Variants in RBPJ observed in about 807,000 individuals in gnomAD.
RBPJ encodes the protein recombination signal binding protein for immunoglobulin kappa J region, also known as recombining binding protein suppressor of hairless.
A neutral mutation model predicts 67.8 loss-of-function variants in RBPJ; 9 were observed. The observed-to-expected ratio is 0.13, with a 90% CI of 0.08 to 0.23. The LOEUF (loss-of-function observed/expected upper bound fraction) is 0.23, where lower values mean the gene tolerates loss of function less well. Among genes scored for constraint, RBPJ ranks in the 10% least tolerant of loss-of-function variants. The pLI, the probability that RBPJ is intolerant of heterozygous loss-of-function variation, is 1.00. For missense variants in RBPJ, 305 were observed against 595.6 expected (o/e 0.51, Z 5.08); for synonymous variants, 198 against 203.3 (o/e 0.97, Z 0.22).
At chr4:26,166,225 A>G (rs1368068277) in intron 1 of RBPJ, among the ~76,000 whole-genome samples, 3 of 141,146 alleles carry the variant, frequency 2.1e-5, no homozygotes, top group Non-Finnish European at 3.1e-5. Context: ...TCCTTTGGGT[A>G]TATACCCAGT....
chr4:26,152,258 C>T, the RBPJ span, among the ~76,000 whole-genome samples: 1 of 152,210 alleles, frequency 6.6e-6, no homozygotes, highest in Non-Finnish European at 1.5e-5. Context: ...AGAGTTGACA[C>T]ATGTCTTCCA....
In RBPJ at chr4:26,223,014, G is replaced by A. The variant is rs558579389; in HGVS notation, c.-167+59400G>A. 3.3e-5 allele frequency among the ~76,000 whole-genome samples: 5 copies of A among 152,056 alleles called. No individual in the cohort carries two copies. In the East Asian group the frequency reaches 9.7e-4, roughly 29 times the overall value. On this transcript the variant is annotated intron_variant, in intron 1 of 4. Transcript: ENST00000512351. Reference sequence around the variant, plus strand: ...ACTAAAAATACAAAAAATTAGCTGGGTGTGGTGGTGTGCACCTGTAATCCC... The same window carrying A: ...ACTAAAAATACAAAAAATTAGCTGGATGTGGTGGTGTGCACCTGTAATCCC...
At chr4:26,417,249 A>G (rs1270032870) in intron 4 of RBPJ, among the ~76,000 whole-genome samples, 1 of 152,168 alleles carries the variant, frequency 6.6e-6, no homozygotes, top group East Asian at 1.9e-4. Flanking sequence ...GCTTCCAGTA[A>G]TTTTAAATGA....
At chr4:26,315,196 ATG>A (rs1722573322), upstream of RBPJ, among the ~76,000 whole-genome samples, 4 of 127,518 alleles carry the variant, frequency 3.1e-5, no homozygotes, top group African/African-American at 8.8e-5. Flanking sequence ...ATATATATGT[ATG>A]TATATACTGG....
intron 1 of RBPJ, among the ~76,000 whole-genome samples, chr4:26,163,996 G>T (rs1208434043): frequency 1.3e-5 from 2 of 152,176 alleles, no homozygotes; most frequent in Non-Finnish European, 2.9e-5. Flanking sequence ...GAAACAAAAA[G>T]AATTTTCTAG....
At chr4:26,136,052 G>A in the RBPJ span, among the ~76,000 whole-genome samples, 1 of 152,186 alleles carries the variant, frequency 6.6e-6, no homozygotes, top group African/African-American at 2.4e-5. Flanking sequence ...CAGCAGACAA[G>A]AGAGCTTATG....
chr4:26,296,794 C>T (rs77673941), intron 1 of RBPJ, among the ~76,000 whole-genome samples: 7,322 of 152,198 alleles, frequency 0.048, 604 homozygotes, highest in African/African-American at 0.17. Context: ...TAATAAGCAA[C>T]ATCCATTTAA....
intron 1 of RBPJ, among the ~76,000 whole-genome samples, chr4:26,187,470 AAGT>A (rs1717314214): frequency 5.5e-5 from 2 of 36,524 alleles, no homozygotes; most frequent in Non-Finnish European, 1.1e-4. Context: ...CATCTTCTCG[AAGT>A]AAGTATCACA....
intron 2 of RBPJ, among the ~76,000 whole-genome samples, chr4:26,398,068 TATTGTG>T (rs1732332199): frequency 8.6e-6 from 1 of 116,282 alleles, no homozygotes; most frequent in Non-Finnish European, 2.0e-5. Context: ...TCACGAGTGA[TATTGTG>T]TGTGTGTGTG....
At chr4:26,293,978 G>A (rs372039750) in intron 1 of RBPJ, among the ~76,000 whole-genome samples, 16 of 152,262 alleles carry the variant, frequency 1.1e-4, no homozygotes, top group African/African-American at 3.4e-4. Context: ...AGCTGGTCTC[G>A]AGCTCCTGAC....
At chr4:26,221,926 G>A (rs917624131) in intron 1 of RBPJ, among the ~76,000 whole-genome samples, 3 of 152,196 alleles carry the variant, frequency 2.0e-5, no homozygotes, top group African/African-American at 7.2e-5. Flanking sequence ...TCAATCCAGA[G>A]ACTGGCAGGG....
the RBPJ span, among the ~76,000 whole-genome samples, chr4:26,138,714 T>C: frequency 6.6e-6 from 1 of 152,202 alleles, no homozygotes; most frequent in African/African-American, 2.4e-5. Flanking sequence ...CATGAACCAC[T>C]TCATAGACAC....
the RBPJ span, among the ~76,000 whole-genome samples, chr4:26,114,475 G>GTATATATATATATATATATATA: frequency 3.4e-5 from 3 of 89,158 alleles, no homozygotes; most frequent in Non-Finnish European, 7.0e-5. Flanking sequence ...AAAAAAGAAT[G>GTATATATATATATATATATATA]TACATATATA....
intron 2 of RBPJ, among the ~76,000 whole-genome samples, chr4:26,388,705 AGAG>A (rs1731177886): frequency 1.3e-5 from 2 of 152,198 alleles, no homozygotes; most frequent in African/African-American, 4.8e-5. Context: ...GAATGGACAA[AGAG>A]GAGATTAGTA....
At chr4:26,210,752 C>CTTCTTTCCTTCTTTCTTTCTTTCTTTCT (rs1553849171) in intron 1 of RBPJ, among the ~76,000 whole-genome samples, 3 of 47,332 alleles carry the variant, frequency 6.3e-5, no homozygotes, top group African/African-American at 1.7e-4. Context: ...TCCTTCTTTC[C>CTTCTTTCCTTCTTTCTTTCTTTCTTTCT]TTCTTTCTTT....
intron 1 of RBPJ, among the ~76,000 whole-genome samples, chr4:26,331,702 C>G (rs746198406): frequency 6.6e-6 from 1 of 152,322 alleles, no homozygotes; most frequent in South Asian, 2.1e-4. Flanking sequence ...CACTGCACAC[C>G]TCCTTATCCA....
chr4:26,165,346 A>G (rs1189904125), intron 1 of RBPJ, among the ~76,000 whole-genome samples: 6 of 152,178 alleles, frequency 3.9e-5, no homozygotes, highest in African/African-American at 1.2e-4. Context: ...CCTTCCCTAT[A>G]TACTGTTTTG....
At chr4:26,382,312 G>A (rs1259092342) in intron 1 of RBPJ, among the ~76,000 whole-genome samples, 1 of 152,130 alleles carries the variant, frequency 6.6e-6, no homozygotes, top group African/African-American at 2.4e-5. Flanking sequence ...ATTGATAGCT[G>A]ACTGCTGTCA....
intron 1 of RBPJ, among the ~76,000 whole-genome samples, chr4:26,177,593 A>T (rs1288344075): frequency 6.6e-6 from 1 of 151,930 alleles, no homozygotes; most frequent in Admixed American, 6.6e-5. Context: ...AAGAAGAAAG[A>T]GAGAAAGAGA....
Sources: gnomAD v4.1 joint callset for allele counts (sites outside exome capture counted in the v4.1 genomes callset) on GRCh38, gnomAD v4.1.1 for gene constraint, MANE v1.5 for transcripts, NCBI Gene and HGNC (gene_info 2026-07-23, HGNC 2026-07-21) for gene names.